NTRK3: variants seen among roughly 807,000 people sequenced by gnomAD.
The protein encoded by NTRK3 is NT-3 growth factor receptor.
NTRK3 carries 24 observed loss-of-function variants against 91.7 expected under a neutral mutation model. The ratio of observed to expected loss-of-function variants is 0.26; its 90% CI spans 0.19 to 0.37. The LOEUF (loss-of-function observed/expected upper bound fraction) is 0.37. Among genes scored for constraint, NTRK3 ranks in the 10% least tolerant of loss-of-function variants. The pLI is 1.00. For synonymous variants in NTRK3, 483 were observed against 404.0 expected (o/e 1.20, Z -2.34); for missense variants, 880 against 1,068.9 (o/e 0.82, Z 2.46).
intron 13 of NTRK3, among the ~76,000 whole-genome samples, chr15:88,100,443 G>A (rs188900907): frequency 1.4e-3 from 216 of 152,316 alleles, no homozygotes; most frequent in African/African-American, 5.0e-3. Context: ...ACTCCCAGTA[G>A]TGAGCTGGTA....
chr15:88,022,575 C>T (rs2077679802), intron 14 of NTRK3, among the ~76,000 whole-genome samples: 1 of 152,184 alleles, frequency 6.6e-6, no homozygotes, highest in Non-Finnish European at 1.5e-5. Flanking sequence ...GAAGCCAAAA[C>T]ATGCCAGGAA....
At chr15:88,118,764 G>A (rs1166415526) in intron 13 of NTRK3, among the ~76,000 whole-genome samples, 2 of 152,198 alleles carry the variant, frequency 1.3e-5, no homozygotes, top group Non-Finnish European at 2.9e-5. Flanking sequence ...GATCTCACCT[G>A]TCACATGAGT....
chr15:88,060,713 A>G (rs1214002622), intron 13 of NTRK3, among the ~76,000 whole-genome samples: 2 of 152,306 alleles, frequency 1.3e-5, no homozygotes, highest in Admixed American at 6.5e-5. Context: ...TGCTGTGTGC[A>G]GAACAGACCA....
intron 3 of NTRK3, among the ~76,000 whole-genome samples, chr15:88,189,563 G>A (rs2047221467): frequency 6.6e-6 from 1 of 152,050 alleles, no homozygotes; most frequent in Non-Finnish European, 1.5e-5. Flanking sequence ...TCCTGCCTTA[G>A]CCTCCCGAGT....
intron 14 of NTRK3, among the ~76,000 whole-genome samples, chr15:87,977,094 A>T (rs2073792325): frequency 6.6e-6 from 1 of 152,230 alleles, no homozygotes; most frequent in South Asian, 2.1e-4. Flanking sequence ...ACACTGTGTG[A>T]CCCTGGATGA....
At chr15:88,084,853 G>C (rs952514164) in intron 13 of NTRK3, among the ~76,000 whole-genome samples, 4 of 152,196 alleles carry the variant, frequency 2.6e-5, no homozygotes, top group Admixed American at 6.5e-5. Context: ...GTAAGCTCTG[G>C]TCAGCCTCTG....
chr15:87,980,133 T>G (rs2074092586), intron 14 of NTRK3, among the ~76,000 whole-genome samples: 2 of 152,046 alleles, frequency 1.3e-5, no homozygotes, highest in African/African-American at 4.8e-5. Context: ...CCTGGAGGAG[T>G]AACACTGGTG....
chr15:88,184,349 G>C (rs1266801972), intron 3 of NTRK3, 50 bp from the exon 4 acceptor site: 17 of 1,571,692 alleles, frequency 1.1e-5, no homozygotes, highest in Non-Finnish European at 1.5e-5. Context: ...ACAGAAATGG[G>C]GCTGGCTTTG....
chr15:87,997,713 AGGTACGTTTCTTACGTAAGAAACCTGG>A (rs1168133084), intron 14 of NTRK3, among the ~76,000 whole-genome samples: 1 of 152,170 alleles, frequency 6.6e-6, no homozygotes, highest in Non-Finnish European at 1.5e-5. Flanking sequence ...TATGAAATTG[AGGTACGTTTCTTACGTAAGAAACCTGG>A]GGTCATAGTT....
chr15:87,867,837 A>T (rs1485896426), exon 19 of NTRK3: 1 of 227,032 alleles, frequency 4.4e-6, no homozygotes, highest in Non-Finnish European at 8.8e-6. Context: ...ATTCAGTACC[A>T]TTTCCCCCAG....
intron 9 of NTRK3, 112 bp downstream of exon 9, chr15:88,135,787 G>A (rs2151200133): frequency 1.4e-6 from 2 of 1,391,814 alleles, no homozygotes; most frequent in Non-Finnish European, 2.0e-6. Context: ...GTCCCTACTG[G>A]TAGATCAGCT....
intron 5 of NTRK3, among the ~76,000 whole-genome samples, chr15:88,173,161 C>A (rs932970636): frequency 4.6e-5 from 7 of 152,116 alleles, no homozygotes; most frequent in Non-Finnish European, 7.4e-5. Context: ...GCCATAGGGG[C>A]TGGGATATGG....
intron 13 of NTRK3, among the ~76,000 whole-genome samples, chr15:88,111,472 T>C (rs987159289): frequency 4.6e-5 from 7 of 152,180 alleles, no homozygotes; most frequent in African/African-American, 1.7e-4. Context: ...GAGGACAGTA[T>C]GAAGCTGTTA....
At chr15:88,017,002 G>A (rs1278673189) in intron 14 of NTRK3, among the ~76,000 whole-genome samples, 2 of 147,326 alleles carry the variant, frequency 1.4e-5, no homozygotes, top group East Asian at 4.0e-4. Flanking sequence ...AATTCCCCAT[G>A]GAAATATGGT....
chr15:88,122,079 CAT>C (rs1308626712), intron 13 of NTRK3, among the ~76,000 whole-genome samples: 1 of 152,104 alleles, frequency 6.6e-6, no homozygotes, highest in Non-Finnish European at 1.5e-5. Flanking sequence ...AGATCTCCAA[CAT>C]ATGACAAGGA....
chr15:88,069,015 C>A (rs1465396762), intron 13 of NTRK3, among the ~76,000 whole-genome samples: 2 of 152,122 alleles, frequency 1.3e-5, no homozygotes, highest in Admixed American at 6.6e-5. Flanking sequence ...CAAGAACTGG[C>A]TATTATGGGG....
chr15:87,946,501 G>A (rs937509193), intron 14 of NTRK3, among the ~76,000 whole-genome samples: 1 of 152,146 alleles, frequency 6.6e-6, no homozygotes, highest in African/African-American at 2.4e-5. Flanking sequence ...TTGTCTTGGG[G>A]ACCACGTGTG....
chr15:87,984,924 C>A (rs1228247031), intron 14 of NTRK3, among the ~76,000 whole-genome samples: 1 of 152,200 alleles, frequency 6.6e-6, no homozygotes, highest in African/African-American at 2.4e-5. Context: ...ACAGTACCTA[C>A]ATGGCTTGTC....
chr15:88,061,693 G>A (rs1437655872), intron 13 of NTRK3, among the ~76,000 whole-genome samples: 1 of 152,218 alleles, frequency 6.6e-6, no homozygotes, highest in Non-Finnish European at 1.5e-5. Context: ...ACTCAGGCCA[G>A]AGCAGACGTC....
Sources: gnomAD v4.1 joint callset for allele counts (sites outside exome capture counted in the v4.1 genomes callset) on GRCh38, gnomAD v4.1.1 for gene constraint, MANE v1.5 for transcripts, NCBI Gene and HGNC (gene_info 2026-07-23, HGNC 2026-07-21) for gene names.